The following KIDINS220 variants were observed in gnomAD, a reference collection of about 807,000 sequenced individuals.
KIDINS220 encodes kinase D interacting substrate 220, also known as kinase D-interacting substrate of 220 kDa.
KIDINS220 carries 63 observed loss-of-function variants against 157.6 expected under a neutral mutation model. The ratio of observed to expected loss-of-function variants is 0.40; its 90% confidence interval spans 0.33 to 0.49. The LOEUF (loss-of-function observed/expected upper bound fraction) is 0.49, where lower values mean the gene tolerates loss of function less well. Ranked by LOEUF, KIDINS220 falls within the 20% of genes least tolerant of loss-of-function variation. The pLI is 0.66. For missense variants in KIDINS220, 1,772 were observed against 2,171.2 expected, an observed-to-expected ratio of 0.82 and a Z score of 3.65; for synonymous variants, 732 against 783.6, an observed-to-expected ratio of 0.93 and a Z score of 1.10.
intron 20 of KIDINS220, 49 bp downstream of exon 20, chr2:8,778,590 A>T: frequency 8.7e-7 from 1 of 1,155,346 alleles, no homozygotes; most frequent in Non-Finnish European, 1.3e-6. Context: ...TATTTGTATT[A>T]AATTGAATAG....
At chr2:8,812,531 T>C in intron 5 of KIDINS220, 38 bp from the exon 6 acceptor site, 3 of 1,210,366 alleles carry the variant, frequency 2.5e-6, no homozygotes, top group South Asian at 1.7e-5. Flanking sequence ...GGTAGATAAG[T>C]AGGAAGGAAG....
In KIDINS220 at chr2:8,803,061, T is replaced by C. The variant is rs760846299; in HGVS notation, c.670A>G (p.Lys224Glu). The change falls in exon 8 of 30, where the codon AAG becomes GAG. Residue 224 changes from lysine (K) to glutamate (E), a missense_variant. This residue lies in a region of KIDINS220 where 254 missense variants were observed against 268.6 expected (regional missense o/e 0.95). Coordinates refer to ENST00000256707, the MANE Select transcript of KIDINS220 (RefSeq NM_020738.4). ...GYTQSVKEIL[K>E]RNPNVNLTDK... ...GTTAAGTTTACATTTGGATTCCTCT[T>C]CAAAATTTCTTTTACTGACTGTGTG... is the stretch of plus-strand genomic sequence containing the variant. The C allele has an allele frequency of 1.2e-6, 2 of 1,613,310 alleles. No homozygotes were observed. Among genetic ancestry groups the C allele is most frequent in the Admixed American group, 3.3e-5 (2 of 59,986 alleles).
Position 8,731,115 on chromosome 2 carries a change from C to T in KIDINS220, c.4921G>A (p.Ala1641Thr). Residue 1641 changes from alanine (A) to threonine (T), a missense_variant, in exon 30 of 30, where the codon GCT becomes ACT. Ala to Thr is a moderately conservative substitution (Grantham distance 58). Transcript: ENST00000256707. This position sits in a 1 kb window ranked among gnomAD's most constrained non-coding sequence, Gnocchi z 5.2. Reference protein sequence around the residue: ...SLSGLQDPIIARMSICSEDKK... With the variant: ...SLSGLQDPIITRMSICSEDKK... The stretch of plus-strand genomic sequence containing the variant: ...TCTTCTGAACAAATGGACATCCGAG[C>T]TATAATTGGATCTTGCAGGCCACTC... 1 of 1,614,178 alleles carries T rather than the reference C, an allele frequency of 6.2e-7. No homozygotes were observed. The highest frequency in any genetic ancestry group is 8.5e-7 in the Non-Finnish European group (1 of 1,180,024).
At chr2:8,749,887 A>G (rs1285846661) in intron 24 of KIDINS220, among the ~76,000 whole-genome samples, 3 of 152,152 alleles carry the variant, frequency 2.0e-5, no homozygotes, top group African/African-American at 4.8e-5. Context: ...AAACTAAATA[A>G]AAGAAAAAAA....
intron 12 of KIDINS220, 52 bp downstream of exon 12, chr2:8,793,758 A>C: frequency 6.7e-7 from 1 of 1,485,524 alleles, no homozygotes. Flanking sequence ...ATATTCTTTA[A>C]TGGAACATTG....
At chr2:8,753,090 G>A (rs1321544867) in intron 22 of KIDINS220, among the ~76,000 whole-genome samples, 4 of 152,060 alleles carry the variant, frequency 2.6e-5, no homozygotes, top group Non-Finnish European at 5.9e-5. Flanking sequence ...ATCACCGAGG[G>A]ATAAAGGAAA....
intron 1 of KIDINS220, among the ~76,000 whole-genome samples, chr2:8,832,857 A>T (rs1399397367): frequency 2.0e-5 from 3 of 151,770 alleles, no homozygotes; most frequent in Non-Finnish European, 4.4e-5. Context: ...TTTACTACTG[A>T]CCATTATATC....
intron 11 of KIDINS220, among the ~76,000 whole-genome samples, chr2:8,794,641 T>C (rs905884568): frequency 6.6e-6 from 1 of 152,166 alleles, no homozygotes; most frequent in Non-Finnish European, 1.5e-5. Context: ...CTTCTCTCCT[T>C]ATTAGCATCT....
chr2:8,732,662 C>G (rs1664291145), intron 29 of KIDINS220, among the ~76,000 whole-genome samples: 1 of 152,146 alleles, frequency 6.6e-6, no homozygotes, highest in South Asian at 2.1e-4. Flanking sequence ...GGGTCAAGAG[C>G]AAAGGCTAAA....
At chr2:8,758,637 C>T (rs1019755209) in intron 22 of KIDINS220, among the ~76,000 whole-genome samples, 1 of 151,872 alleles carries the variant, frequency 6.6e-6, no homozygotes, top group Non-Finnish European at 1.5e-5. Context: ...TCTAGCTCCT[C>T]GAGGTGTTAG....
chr2:8,830,916 G>A (rs968374353), intron 1 of KIDINS220, among the ~76,000 whole-genome samples: 2 of 152,112 alleles, frequency 1.3e-5, no homozygotes, highest in Non-Finnish European at 2.9e-5. Flanking sequence ...AAACAGTTGT[G>A]ATCTAGGCAT....
Position 8,747,161 on chromosome 2 carries a change from G to A in KIDINS220, c.3569C>T (p.Pro1190Leu), listed in dbSNP as rs765825728. Residue 1190 changes from proline to leucine, a missense_variant, in exon 26 of 30, where the codon CCC (proline) becomes CTC (leucine). By Grantham distance (98) the Pro-to-Leu change is moderately conservative. This residue lies in a region of KIDINS220 where 793 missense variants were observed against 885.5 expected (regional missense o/e 0.90). Coordinates refer to ENST00000256707, the MANE Select transcript of KIDINS220 (RefSeq NM_020738.4). ...CTCCATTACCCTCGAGGAGTCTGTG[G>A]GTGAAGAAAGCCCCTCAGCAGCATC... ...KEDAAEGLSS[P>L]TDSSRGSGPA... 1 of 1,614,082 alleles carries A rather than the reference G, an allele frequency of 6.2e-7. No homozygotes were observed. Among genetic ancestry groups the A allele is most frequent in the Non-Finnish European group, 8.5e-7 (1 of 1,179,988 alleles).
In KIDINS220 at chr2:8,751,555, G is replaced by T. The variant is rs1376025079; in HGVS notation, c.3101C>A (p.Ser1034Ter). The part of the protein sequence containing the change: ...DIRNFEVFLS[S>*]RTPVLVARDV... ...TCGAGCCACAAGAACTGGGGTCCTTGAAGACAAAAACACTTCAAAATTTCT... is the reference window on the plus strand; with the variant it reads ...TCGAGCCACAAGAACTGGGGTCCTTTAAGACAAAAACACTTCAAAATTTCT... Residue 1034 changes from serine (S) to a stop codon, truncating the protein, a stop_gained, in exon 23 of 30, where the codon TCA (serine) becomes TAA (stop). Coordinates refer to ENST00000256707, the MANE Select transcript of KIDINS220 (RefSeq NM_020738.4). LOFTEE classifies it high-confidence loss of function. 1 of 1,613,586 alleles carries T rather than the reference G, an allele frequency of 6.2e-7. No individual in the cohort carries two copies. Among genetic ancestry groups the T allele is most frequent in the South Asian group, 1.1e-5 (1 of 91,012 alleles).
chr2:8,828,908 C>A (rs906936257), intron 1 of KIDINS220, among the ~76,000 whole-genome samples: 1 of 152,178 alleles, frequency 6.6e-6, no homozygotes, highest in Non-Finnish European at 1.5e-5. Flanking sequence ...TCTGGATGGA[C>A]TACACCCAGA....
At chr2:8,825,876 G>C (rs952560205) in intron 2 of KIDINS220, 1 of 151,990 alleles carries the variant, frequency 6.6e-6, no homozygotes, top group Non-Finnish European at 1.5e-5. Flanking sequence ...ATGAGGTCAG[G>C]AGACCATCCT....
At chr2:8,821,509 C>T (rs1361264706) in intron 2 of KIDINS220, among the ~76,000 whole-genome samples, 1 of 152,186 alleles carries the variant, frequency 6.6e-6, no homozygotes, top group Non-Finnish European at 1.5e-5. Context: ...GCTTTTGCTA[C>T]ATGACTGATG....
chr2:8,731,493 G>A lies in KIDINS220; in HGVS notation c.4543C>T (p.Arg1515Cys), dbSNP rs760665628. 11 of 1,613,966 alleles carry A rather than the reference G, an allele frequency of 6.8e-6. No individual in the cohort carries two copies. Among genetic ancestry groups the A allele is most frequent in the Middle Eastern group, 1.6e-4 (1 of 6,084 alleles). The part of the protein sequence containing the change: ...TDLKLKGSGL[R>C]YQKLPSDEDE... ...TCGTCACTTGGGAGTTTTTGATAGC[G>A]CAGCCCACTTCCCTTAAGCTTCAAA... The change falls in exon 30 of 30, where the codon CGC becomes TGC. Residue 1515 changes from arginine to cysteine, a missense_variant. By Grantham distance (180) the Arg-to-Cys change is radical (BLOSUM62 -3). Transcript: ENST00000256707. The surrounding 1 kb of genome is among the most constrained non-coding windows in gnomAD (Gnocchi z 5.2).
intron 11 of KIDINS220, among the ~76,000 whole-genome samples, chr2:8,796,569 G>A (rs998386522): frequency 1.3e-5 from 2 of 152,124 alleles, no homozygotes; most frequent in African/African-American, 4.8e-5. Context: ...AAGGAAAGTC[G>A]GAAGCAGCTG....
intron 17 of KIDINS220, among the ~76,000 whole-genome samples, chr2:8,783,434 A>G (rs72786348): frequency 2.0e-5 from 3 of 152,280 alleles, no homozygotes; most frequent in Non-Finnish European, 4.4e-5. Flanking sequence ...CCCTTTTCTT[A>G]CCACTCCTTT....
Sources: gnomAD v4.1 joint callset for allele counts (sites outside exome capture counted in the v4.1 genomes callset) on GRCh38, gnomAD v4.1.1 for gene constraint, gnomAD v4.1.1 regional missense constraint, Gnocchi (gnomAD v3.1) non-coding constraint, MANE v1.5 for transcripts, NCBI Gene and HGNC (gene_info 2026-07-23, HGNC 2026-07-21) for gene names.